Variants in CCDC90B observed in about 807,000 individuals in gnomAD.
CCDC90B encodes coiled-coil domain-containing protein 90B, mitochondrial.
A neutral mutation model predicts 37.0 loss-of-function variants in CCDC90B; 24 were observed. That is an observed-to-expected ratio of 0.65 (90% CI 0.47 to 0.91). The LOEUF (loss-of-function observed/expected upper bound fraction) is 0.91, where lower values mean the gene tolerates loss of function less well. Ranked by LOEUF, CCDC90B falls within the 40% of genes least tolerant of loss-of-function variation. The pLI is 0.00. For synonymous variants in CCDC90B, 113 were observed against 101.1 expected, an observed-to-expected ratio of 1.12 and a Z score of -0.71; for missense variants, 319 against 299.0, an observed-to-expected ratio of 1.07 and a Z score of -0.49.
chr11:83,285,179 T>C, intron 1 of CCDC90B: 4 of 1,284,950 alleles, frequency 3.1e-6, no homozygotes, highest in Non-Finnish European at 3.0e-6. Context: ...CCTATTCGCC[T>C]ATTTTGTGGA....
rs145299725 is a variant in CCDC90B, at chr11:83,260,842, G to A, written c.*1069C>T. On this transcript the variant is annotated 3_prime_UTR_variant, in exon 9 of 9. Transcript: ENST00000529689. Reference sequence around the variant, plus strand: ...TATATCTAATAACAAAACAAAATACGAATTTAAATTTTCCTATGAGTTTCT... The same window carrying A: ...TATATCTAATAACAAAACAAAATACAAATTTAAATTTTCCTATGAGTTTCT... 6 of 151,922 alleles carry A rather than the reference G, an allele frequency of 3.9e-5. No homozygotes were observed. Among genetic ancestry groups the A allele is most frequent in the African/African-American group, 1.2e-4 (5 of 41,434 alleles). 9.4% of individuals were successfully genotyped at this position (151,922 alleles called of 1,614,324 possible). A position where few individuals can be genotyped will look rare whatever the true frequency, so the allele number is the denominator to read the frequency against.
intron 3 of CCDC90B, among the ~76,000 whole-genome samples, chr11:83,278,018 GAATT>G (rs908534074): frequency 2.4e-4 from 37 of 152,236 alleles, no homozygotes; most frequent in African/African-American, 8.9e-4. Flanking sequence ...TGACAGAAAT[GAATT>G]ATTATTCCAG....
At position 83,278,800 on chromosome 11, in the gene CCDC90B, C is replaced by G. The variant is rs373524286; in HGVS notation, c.250G>C (p.Val84Leu). 3.7e-5 allele frequency: 60 copies of G among 1,613,406 alleles called. No homozygotes were observed. In the Middle Eastern group the frequency reaches 5.0e-4, roughly 13 times the overall value. The change falls in exon 3 of 9, where the codon GTA becomes CTA. Residue 84 changes from valine to leucine, a missense_variant. Coordinates refer to ENST00000529689, the MANE Select transcript of CCDC90B (RefSeq NM_021825.5). ...GFDKTQAETI[V>L]SALTALSNVS... ...TTTGATAAAGCAGTTAACGCTGATA[C>G]AATTGTTTCTGCTTGTGTTTTGTCA... is the stretch of plus-strand genomic sequence containing the variant.
intron 8 of CCDC90B, 54 bp downstream of exon 8, chr11:83,265,811 G>A: frequency 8.9e-7 from 1 of 1,129,096 alleles, no homozygotes; most frequent in Middle Eastern, 2.9e-4. Context: ...ACCTTGATAG[G>A]TAGAACTAAC....
At chr11:83,263,429 G>A (rs1309266587) in intron 8 of CCDC90B, among the ~76,000 whole-genome samples, 1 of 152,120 alleles carries the variant, frequency 6.6e-6, no homozygotes, top group African/African-American at 2.4e-5. Context: ...TAAGTTTGCT[G>A]TTTATCCTCT....
chr11:83,260,965 A>G lies in CCDC90B; in HGVS notation c.*946T>C, dbSNP rs2135576395. 1 of 152,346 alleles carries G rather than the reference A, an allele frequency of 6.6e-6. No homozygotes were observed. Among genetic ancestry groups the G allele is most frequent in the African/African-American group, 2.4e-5 (1 of 41,584 alleles). 9.4% of individuals were successfully genotyped at this position (152,346 alleles called of 1,614,324 possible). A position where few individuals can be genotyped will look rare whatever the true frequency, so the allele number is the denominator to read the frequency against. On this transcript the variant is annotated 3_prime_UTR_variant, in exon 9 of 9. Coordinates refer to ENST00000529689, the MANE Select transcript of CCDC90B (RefSeq NM_021825.5). The stretch of plus-strand genomic sequence containing the variant: ...TTTAAGATGGGTTAACTTAAACTAC[A>G]TTAAGAAGCAGGGATAAACTGGTTT...
At chr11:83,282,267 A>C (rs1591064348) in intron 1 of CCDC90B, among the ~76,000 whole-genome samples, 1 of 152,216 alleles carries the variant, frequency 6.6e-6, no homozygotes, top group East Asian at 1.9e-4. Context: ...AGAATACTGC[A>C]TTATCGTTAG....
At position 83,274,715 on chromosome 11, in the gene CCDC90B, G is replaced by A. The variant is rs1864919353; in HGVS notation, c.350C>T (p.Ala117Val). Residue 117 changes from alanine to valine, a missense_variant, in exon 4 of 9, where the codon GCT becomes GTT. Coordinates refer to ENST00000529689, the MANE Select transcript of CCDC90B (RefSeq NM_021825.5). The part of the protein sequence containing the change: ...QQEITVQQLM[A>V]HLDAIRKDMV... ...GTCTTTCCTGATAGCATCCAAATGA[G>A]CCATTAGCTGTTGTACTGTTATTTC... 6.2e-7 allele frequency: 1 copy of A among 1,610,204 alleles called. No individual in the cohort carries two copies. The highest frequency in any genetic ancestry group is 2.2e-5 in the East Asian group (1 of 44,598).
chr11:83,270,085 G>C (rs1433834891), intron 7 of CCDC90B, among the ~76,000 whole-genome samples: 3 of 152,006 alleles, frequency 2.0e-5, no homozygotes, highest in Non-Finnish European at 4.4e-5. Context: ...GCAGAAAAGG[G>C]CTTCAACAAA....
chr11:83,278,599 T>G, intron 3 of CCDC90B, 127 bp downstream of exon 3: 1 of 578,904 alleles, frequency 1.7e-6, no homozygotes, highest in Non-Finnish European at 3.1e-6. Flanking sequence ...ATGTTTTTTT[T>G]TGTGGTCCCT....
At chr11:83,274,400 G>C (rs1193296752) in intron 4 of CCDC90B, 3 of 282,150 alleles carry the variant, frequency 1.1e-5, no homozygotes, top group Non-Finnish European at 1.9e-5. Context: ...CAAAGATTTT[G>C]TTTTATGTGG....
intron 2 of CCDC90B, among the ~76,000 whole-genome samples, 182 bp from the exon 3 acceptor site, chr11:83,279,011 T>C (rs1338052476): frequency 6.6e-6 from 1 of 152,154 alleles, no homozygotes; most frequent in South Asian, 2.1e-4. Context: ...AGGCCGGGCA[T>C]GGTGGCTCAC....
chr11:83,274,005 A>T lies in CCDC90B; in HGVS notation c.427-13T>A. The T allele has an allele frequency of 6.5e-7, 1 of 1,537,694 alleles. No homozygotes were observed. Among genetic ancestry groups the T allele is most frequent in the Admixed American group, 2.1e-5 (1 of 46,910 alleles). On this transcript the variant is annotated splice_polypyrimidine_tract_variant and intron_variant, in intron 4 of 8. Coordinates refer to ENST00000529689, the MANE Select transcript of CCDC90B (RefSeq NM_021825.5). ...CAATTTTCATTTTCTAGGTACAGGA[A>T]AGATCACATGCAATTAGCATTAAAC...
chr11:83,285,641 G>A (rs558814055), intron 1 of CCDC90B: 3 of 1,374,874 alleles, frequency 2.2e-6, no homozygotes, highest in Admixed American at 3.4e-5. Flanking sequence ...CGAAGCCCAG[G>A]CCTTCAAAGG....
intron 7 of CCDC90B, among the ~76,000 whole-genome samples, chr11:83,268,869 G>A (rs961085635): frequency 6.6e-6 from 1 of 151,920 alleles, no homozygotes; most frequent in Non-Finnish European, 1.5e-5. Flanking sequence ...TAAAGCACTT[G>A]CACTCCTCAG....
chr11:83,265,924 A>G lies in CCDC90B; in HGVS notation c.650T>C (p.Ile217Thr), dbSNP rs139568497. ...TTCCATCAGTGTTTTTAAGGAAGCA[A>G]TTTCAGCGTCAATTTTATTACTGGT... The part of the protein sequence containing the change: ...SETSNKIDAE[I>T]ASLKTLMESN... Residue 217 changes from isoleucine to threonine, a missense_variant, in exon 8 of 9, where the codon ATT (isoleucine) becomes ACT (threonine). Coordinates refer to ENST00000529689, the MANE Select transcript of CCDC90B (RefSeq NM_021825.5). The G allele has an allele frequency of 1.9e-4, 302 of 1,612,748 alleles. No individual in the cohort carries two copies. Among genetic ancestry groups the G allele is most frequent in the Non-Finnish European group, 2.4e-4 (283 of 1,179,426 alleles).
In CCDC90B at chr11:83,286,217, T is replaced by G; in HGVS notation, c.-245A>C. On this transcript the variant is annotated 5_prime_UTR_variant, in exon 1 of 9. Coordinates refer to ENST00000529689, the MANE Select transcript of CCDC90B (RefSeq NM_021825.5). ...TCTCCCAGCGCCCCTTCCCGACCTTTGAACGCCTTCACCGCCCTAGGAAAG... is the reference window on the plus strand; with the variant it reads ...TCTCCCAGCGCCCCTTCCCGACCTTGGAACGCCTTCACCGCCCTAGGAAAG... 1 of 1,525,698 alleles carries G rather than the reference T, an allele frequency of 6.6e-7. No individual in the cohort carries two copies. The highest frequency in any genetic ancestry group is 8.8e-7 in the Non-Finnish European group (1 of 1,138,956). 94.5% of individuals were successfully genotyped at this position (1,525,698 alleles called of 1,614,324 possible).
chr11:83,270,817 A>G (rs1301702184), intron 7 of CCDC90B, among the ~76,000 whole-genome samples: 1 of 152,230 alleles, frequency 6.6e-6, no homozygotes, highest in Non-Finnish European at 1.5e-5. Context: ...CATGGCGAAG[A>G]CAATCCTAAG....
chr11:83,269,786 A>G lies in CCDC90B; in HGVS notation c.595-3807T>C, dbSNP rs556693283. ...TATTCCAATCAACAGAAAAAGAGGG[A>G]ATCTTCCCTAACTCATTTTATGAGG... On this transcript the variant is annotated intron_variant, in intron 7 of 8. Transcript: ENST00000529689. Among the ~76,000 whole-genome samples, 9 of 152,340 alleles carry G rather than the reference A, an allele frequency of 5.9e-5. No homozygotes were observed. The East Asian group carries it at 1.7e-3, about 29-fold the overall frequency.
Sources: gnomAD v4.1 joint callset for allele counts (sites outside exome capture counted in the v4.1 genomes callset) on GRCh38, gnomAD v4.1.1 for gene constraint, MANE v1.5 for transcripts, NCBI Gene and HGNC (gene_info 2026-07-23, HGNC 2026-07-21) for gene names.